BIRC6: variants seen among roughly 807,000 people sequenced by gnomAD.
BIRC6 encodes the protein dual E2 ubiquitin-conjugating enzyme/E3 ubiquitin-protein ligase BIRC6.
In BIRC6, 98 loss-of-function variants were observed where a neutral mutation model predicts 503.3. The observed-to-expected ratio is 0.19, with a 90% confidence interval of 0.17 to 0.23. BIRC6 has a LOEUF of 0.23. Among genes scored for constraint, BIRC6 ranks in the 10% least tolerant of loss-of-function variants. The probability of loss-of-function intolerance (pLI) is 1.00; values close to 1 mark genes in which losing one functional copy is unlikely to be tolerated. For missense variants in BIRC6, 5,360 were observed against 5,806.0 expected, an observed-to-expected ratio of 0.92 and a Z score of 2.50; for synonymous variants, 2,240 against 2,078.7, an observed-to-expected ratio of 1.08 and a Z score of -2.11.
At chr2:32,509,197 A>C (rs1007549549) in intron 51 of BIRC6, among the ~76,000 whole-genome samples, 1 of 152,208 alleles carries the variant, frequency 6.6e-6, no homozygotes, top group Non-Finnish European at 1.5e-5. Flanking sequence ...ATGATTGCCT[A>C]AAAAAGCAAA....
At chr2:32,381,251 T>C (rs971077272) in intron 3 of BIRC6, among the ~76,000 whole-genome samples, 1 of 152,196 alleles carries the variant, frequency 6.6e-6, no homozygotes, top group Non-Finnish European at 1.5e-5. Context: ...TTTTATTTTT[T>C]CTTTTGAGAC....
intron 65 of BIRC6, among the ~76,000 whole-genome samples, chr2:32,556,833 G>C (rs949611855): frequency 2.0e-5 from 3 of 152,082 alleles, no homozygotes; most frequent in Non-Finnish European, 4.4e-5. Flanking sequence ...CAGCTACTTG[G>C]GAGGTTGAGG....
rs572979183 is a variant in BIRC6, at chr2:32,372,456, T to C, written c.326-5132T>C. On this transcript the variant is annotated intron_variant, in intron 1 of 73. Coordinates refer to ENST00000421745, the MANE Select transcript of BIRC6 (RefSeq NM_016252.4). The stretch of plus-strand genomic sequence containing the variant: ...ATGATGCCCTTGAGATTCTGTCAAG[T>C]TTTTGCATGTATTAATATTTCATTC... Among the ~76,000 whole-genome samples, 4 of 152,304 alleles carry C rather than the reference T, an allele frequency of 2.6e-5. No homozygotes were observed. The East Asian group carries it at 7.7e-4, about 29-fold the overall frequency.
intron 1 of BIRC6, 94 bp from the exon 2 acceptor site, chr2:32,377,494 A>T: frequency 9.9e-7 from 1 of 1,006,070 alleles, no homozygotes. Context: ...CCAATTCAGG[A>T]TAATATATTG....
chr2:32,561,497 C>T (rs555575667), intron 65 of BIRC6, among the ~76,000 whole-genome samples: 23 of 151,924 alleles, frequency 1.5e-4, no homozygotes, highest in Admixed American at 1.3e-3. Flanking sequence ...ACCTCGGCCT[C>T]CCAAATATCT....
chr2:32,498,167 T>A (rs912246350), intron 45 of BIRC6, among the ~76,000 whole-genome samples: 1 of 152,180 alleles, frequency 6.6e-6, no homozygotes. Context: ...GTTCACGTGA[T>A]TTTCGTGCCT....
At position 32,470,263 on chromosome 2, in the gene BIRC6, C is replaced by A; in HGVS notation, c.6443C>A (p.Pro2148His). Residue 2148 changes from proline to histidine, a missense_variant, in exon 31 of 74, where the codon CCT becomes CAT. Physicochemically the swap from Pro to His is moderately conservative, Grantham distance 77 (BLOSUM62 -2). This residue lies in a region of BIRC6 where 2,299 missense variants were observed against 2,267.2 expected (regional missense o/e 1.01). Coordinates refer to ENST00000421745, the MANE Select transcript of BIRC6 (RefSeq NM_016252.4). ...LLNLLDNLLS[P>H]LQPQLPMHRR... ...AATCTCTTGGATAATTTATTGTCACCTCTTCAGCCACAGTTACCCATGCAT... is the reference window on the plus strand; with the variant it reads ...AATCTCTTGGATAATTTATTGTCACATCTTCAGCCACAGTTACCCATGCAT... 1 of 1,574,410 alleles carries A rather than the reference C, an allele frequency of 6.4e-7. No homozygotes were observed. The highest frequency in any genetic ancestry group is 2.3e-5 in the East Asian group (1 of 43,406).
At chr2:32,432,773 A>C (rs920308248) in intron 12 of BIRC6, among the ~76,000 whole-genome samples, 11 of 151,940 alleles carry the variant, frequency 7.2e-5, no homozygotes, top group African/African-American at 2.4e-4. Context: ...AAAAAAAAAA[A>C]AAAACTTTCA....
At position 32,543,495 on chromosome 2, in the gene BIRC6, G is replaced by A. The variant is rs1291289464; in HGVS notation, c.12546G>A (p.Gln4182=). 8 of 1,613,990 alleles carry A rather than the reference G, an allele frequency of 5.0e-6. No homozygotes were observed. The highest frequency in any genetic ancestry group is 4.0e-5 in the African/African-American group (3 of 75,060). ...TACTGAAAGAGAGAAAACATGCCCA[G>A]TGCCTTCTTCGATTGGTATTGGGAG... is the stretch of plus-strand genomic sequence containing the variant. ...EVLLKERKHA[Q]CLLRLVLGVT... is the part of the protein sequence containing the mutation. Residue 4182 remains glutamine (Q), a synonymous_variant, in exon 62 of 74, where the codon CAG becomes CAA. Transcript: ENST00000421745.
intron 59 of BIRC6, among the ~76,000 whole-genome samples, chr2:32,526,289 G>A (rs1453924895): frequency 6.6e-6 from 1 of 152,058 alleles, no homozygotes; most frequent in Non-Finnish European, 1.5e-5. Flanking sequence ...ATCCACAGTG[G>A]GTAACAAAAC....
At chr2:32,561,970 A>T (rs1192248843) in intron 65 of BIRC6, among the ~76,000 whole-genome samples, 1 of 151,884 alleles carries the variant, frequency 6.6e-6, no homozygotes, top group Non-Finnish European at 1.5e-5. Flanking sequence ...TGAACCCGGG[A>T]GGTGAAGGTT....
At chr2:32,473,304 C>A in intron 33 of BIRC6, 65 bp downstream of exon 33, 1 of 1,323,262 alleles carries the variant, frequency 7.6e-7, no homozygotes, top group Non-Finnish European at 1.0e-6. Flanking sequence ...TTGCATGAGA[C>A]AGATGTGCCA....
rs545365135 is a variant in BIRC6 at position 32,534,623 on chromosome 2, C to G, written c.12291+3072C>G. 6.2e-5 allele frequency among the ~76,000 whole-genome samples: 9 copies of G among 146,020 alleles called. No homozygotes were observed. In the East Asian group the frequency reaches 1.9e-3, roughly 30 times the overall value. On this transcript the variant is annotated intron_variant, in intron 61 of 73. Transcript: ENST00000421745. ...GTGGACGCTTGTAATCCCAGCTACT[C>G]GGGAGGCTGAGGAAGGAGAATTGCT... is the stretch of plus-strand genomic sequence containing the variant.
chr2:32,377,748 G>T lies in BIRC6; in HGVS notation c.486G>T (p.Gln162His), dbSNP rs2037017257. The change falls in exon 2 of 74, where the codon CAG becomes CAT. Residue 162 changes from glutamine to histidine, a missense_variant. By Grantham distance (24) the Gln-to-His change is conservative. Coordinates refer to ENST00000421745, the MANE Select transcript of BIRC6 (RefSeq NM_016252.4). The part of the protein sequence containing the change: ...TPVSKQDDVV[Q>H]LELPVTEAQQ... ...TTTCAAAGCAGGATGATGTGGTTCA[G>T]CTTGAATTACCCGTTACAGAGGTAA... 1.9e-6 allele frequency: 3 copies of T among 1,612,894 alleles called. No individual in the cohort carries two copies. Among genetic ancestry groups the T allele is most frequent in the South Asian group, 1.1e-5 (1 of 90,876 alleles).
intron 73 of BIRC6, among the ~76,000 whole-genome samples, chr2:32,613,652 G>T (rs886817917): frequency 1.3e-5 from 2 of 152,044 alleles, no homozygotes; most frequent in African/African-American, 4.8e-5. Flanking sequence ...ACCGCGCCCC[G>T]CCTGACTGAT....
intron 40 of BIRC6, 151 bp from the exon 41 acceptor site, chr2:32,487,496 G>GT (rs1468452100): frequency 1.7e-6 from 1 of 594,772 alleles, no homozygotes; most frequent in East Asian, 3.2e-5. Context: ...ATAAAAACAC[G>GT]TTTTTCAAAT....
Position 32,415,109 on chromosome 2 carries a change from G to A in BIRC6, c.1818G>A (p.Gly606=). The change falls in exon 10 of 74, where the codon GGG becomes GGA. Residue 606 remains glycine, a synonymous_variant. Transcript: ENST00000421745. ...RTQGESISEQ[G]STDNESCTNS... Reference sequence around the variant, plus strand: ...AGGGTGAAAGTATATCAGAACAAGGGTCAACTGACAATGAATCCTGCACTA... The same window carrying A: ...AGGGTGAAAGTATATCAGAACAAGGATCAACTGACAATGAATCCTGCACTA... 1 of 1,613,880 alleles carries A rather than the reference G, an allele frequency of 6.2e-7. No individual in the cohort carries two copies. The highest frequency in any genetic ancestry group is 8.5e-7 in the Non-Finnish European group (1 of 1,179,832).
Position 32,468,185 on chromosome 2 carries a change from A to C in BIRC6, c.5780+74A>C, listed in dbSNP as rs566047821. ...ATAATGTCTTGCTTATAATTCTGTC[A>C]AGAAATGTCTTTTCATAGGTGTACA... is the stretch of plus-strand genomic sequence containing the variant. On this transcript the variant is annotated intron_variant, in intron 28 of 73. Transcript: ENST00000421745. The C allele has an allele frequency of 4.8e-6, 7 of 1,454,314 alleles. No individual in the cohort carries two copies. In the South Asian group the frequency reaches 8.8e-5, roughly 18 times the overall value. 90.1% of individuals were successfully genotyped at this position (1,454,314 alleles called of 1,614,324 possible). A position where few individuals can be genotyped will look rare whatever the true frequency, so the allele number is the denominator to read the frequency against.
At position 32,396,229 on chromosome 2, in the gene BIRC6, T is replaced by A. The variant is rs1181035562; in HGVS notation, c.1034+636T>A. 2.6e-5 allele frequency among the ~76,000 whole-genome samples: 4 copies of A among 152,336 alleles called. No homozygotes were observed. In the East Asian group the frequency reaches 7.7e-4, roughly 29 times the overall value. The stretch of plus-strand genomic sequence containing the variant: ...AGTAGGTACTATTGTAATCTCCATT[T>A]TATAGGAGGGAACTATGAATATTTT... On this transcript the variant is annotated intron_variant, in intron 6 of 73. Transcript: ENST00000421745.
Sources: allele counts gnomAD v4.1 joint callset (sites outside exome capture counted in the v4.1 genomes callset), GRCh38; gene constraint gnomAD v4.1.1; regional missense constraint gnomAD v4.1.1; transcripts MANE v1.5; gene names NCBI Gene and HGNC (gene_info 2026-07-23, HGNC 2026-07-21).